Variants in ATF6 observed in about 807,000 individuals in gnomAD.
ATF6 encodes the protein cyclic AMP-dependent transcription factor ATF-6 alpha.
A neutral mutation model predicts 83.6 loss-of-function variants in ATF6; 53 were observed. The ratio of observed to expected loss-of-function variants is 0.63; its 90% CI spans 0.51 to 0.80. ATF6 has a LOEUF of 0.80. Among genes scored for constraint, ATF6 ranks in the 30% least tolerant of loss-of-function variants. ATF6 has a pLI of 0.00. For missense variants in ATF6, 744 were observed against 797.9 expected, an observed-to-expected ratio of 0.93 and a Z score of 0.81; for synonymous variants, 288 against 285.8, an observed-to-expected ratio of 1.01 and a Z score of -0.08.
At chr1:161,840,240 A>T (rs1686324082) in intron 9 of ATF6, 1 of 152,250 alleles carries the variant, frequency 6.6e-6, no homozygotes, top group Admixed American at 6.5e-5. Context: ...TATCCCAGAC[A>T]TACTCAAGTG....
At chr1:161,897,434 C>T (rs1687698104) in intron 14 of ATF6, among the ~76,000 whole-genome samples, 1 of 152,068 alleles carries the variant, frequency 6.6e-6, no homozygotes, top group Admixed American at 6.6e-5. Context: ...GAGACCCTGT[C>T]TCAAAAAATA....
rs982936356 is a variant in ATF6 at position 161,770,471 on chromosome 1, C to G, written c.82+4029C>G. Among the ~76,000 whole-genome samples the G allele has an allele frequency of 3.9e-5, 6 of 152,312 alleles. 1 individual carries two copies. The South Asian group carries it at 6.2e-4, about 16-fold the overall frequency. On this transcript the variant is annotated intron_variant, in intron 1 of 15. Transcript: ENST00000367942. ...GCACCTTCAGGTTCTGGTTAGGGCT[C>G]TCTTCCTGGCTTGCATGCACATGGC...
chr1:161,771,309 C>T (rs1237482742), intron 1 of ATF6, among the ~76,000 whole-genome samples: 1 of 152,164 alleles, frequency 6.6e-6, no homozygotes, highest in African/African-American at 2.4e-5. Context: ...TCGTCTGCCA[C>T]TGTGGTTTCG....
intron 7 of ATF6, among the ~76,000 whole-genome samples, chr1:161,805,267 A>AT (rs1180120626): frequency 6.6e-6 from 1 of 152,090 alleles, no homozygotes; most frequent in African/African-American, 2.4e-5. Flanking sequence ...AATACTTTAA[A>AT]TTTACAGAGC....
intron 7 of ATF6, among the ~76,000 whole-genome samples, chr1:161,807,337 G>A (rs946407095): frequency 6.6e-6 from 1 of 152,212 alleles, no homozygotes; most frequent in African/African-American, 2.4e-5. Context: ...TAACATCCAA[G>A]AATAGGACGC....
Position 161,766,420 on chromosome 1 carries a change from T to A in ATF6, c.60T>A (p.Phe20Leu). The change falls in exon 1 of 16, where the codon TTT (phenylalanine) becomes TTA (leucine). Residue 20 changes from phenylalanine (F) to leucine (L), a missense_variant. Coordinates refer to ENST00000367942, the MANE Select transcript of ATF6 (RefSeq NM_007348.4). The part of the protein sequence containing the change: ...TMESPFSPGL[F>L]HRLDEDWDSA... ...AGTCACCTTTTAGCCCGGGACTCTT[T>A]CACAGGCTGGATGAAGATTGGGGTG... The A allele has an allele frequency of 6.2e-7, 1 of 1,613,470 alleles. No individual in the cohort carries two copies. Among genetic ancestry groups the A allele is most frequent in the Non-Finnish European group, 8.5e-7 (1 of 1,179,698 alleles).
At chr1:161,883,045 T>A (rs1485802201) in intron 14 of ATF6, among the ~76,000 whole-genome samples, 1 of 151,868 alleles carries the variant, frequency 6.6e-6, no homozygotes, top group African/African-American at 2.4e-5. Flanking sequence ...CCCAGAAAAA[T>A]TCATTTTAAT....
intron 14 of ATF6, among the ~76,000 whole-genome samples, chr1:161,890,127 A>G (rs1176740486): frequency 2.0e-5 from 3 of 152,188 alleles, no homozygotes; most frequent in East Asian, 1.9e-4. Flanking sequence ...AAGGGTATTC[A>G]CCTCCATAAC....
At chr1:161,827,079 C>T (rs1000826173) in intron 9 of ATF6, among the ~76,000 whole-genome samples, 5 of 151,874 alleles carry the variant, frequency 3.3e-5, no homozygotes, top group African/African-American at 1.2e-4. Flanking sequence ...TTACAGGCAC[C>T]TGCCACTATG....
chr1:161,900,977 A>G (rs1687775716), intron 14 of ATF6, among the ~76,000 whole-genome samples: 1 of 152,148 alleles, frequency 6.6e-6, no homozygotes, highest in South Asian at 2.1e-4. Flanking sequence ...TTATGTAAAC[A>G]TATGACATAT....
chr1:161,902,185 G>A (rs956523501), intron 14 of ATF6, among the ~76,000 whole-genome samples: 3 of 151,952 alleles, frequency 2.0e-5, no homozygotes, highest in African/African-American at 4.8e-5. Flanking sequence ...ACAATAATTC[G>A]CCATTATTTC....
intron 15 of ATF6, among the ~76,000 whole-genome samples, chr1:161,956,071 C>G (rs897053163): frequency 6.6e-6 from 1 of 152,136 alleles, no homozygotes; most frequent in African/African-American, 2.4e-5. Context: ...ATATTTAAAG[C>G]TTTAAAAAAC....
intron 15 of ATF6, among the ~76,000 whole-genome samples, chr1:161,927,949 C>A (rs1445332148): frequency 6.6e-6 from 1 of 152,038 alleles, no homozygotes; most frequent in Non-Finnish European, 1.5e-5. Flanking sequence ...AAACAAAATG[C>A]TTTTTAACTG....
chr1:161,812,267 T>C (rs1162345275), intron 7 of ATF6, among the ~76,000 whole-genome samples: 1 of 146,842 alleles, frequency 6.8e-6, no homozygotes, highest in African/African-American at 2.5e-5. Context: ...GCTTCTTTAG[T>C]GATTAAATAA....
chr1:161,860,912 G>A (rs2101836535), intron 13 of ATF6, among the ~76,000 whole-genome samples: 1 of 152,162 alleles, frequency 6.6e-6, no homozygotes, highest in Admixed American at 6.5e-5. Flanking sequence ...ATATAATATG[G>A]GAAGCAATAT....
chr1:161,796,753 T>A (rs1472015067), intron 6 of ATF6, among the ~76,000 whole-genome samples: 1 of 152,136 alleles, frequency 6.6e-6, no homozygotes, highest in Non-Finnish European at 1.5e-5. Context: ...AGAGAGCCCT[T>A]ATATTCAGGA....
chr1:161,829,189 C>CTTTTTTT (rs35619050), intron 9 of ATF6, among the ~76,000 whole-genome samples: 5 of 72,586 alleles, frequency 6.9e-5, no homozygotes, highest in African/African-American at 1.1e-4. Context: ...TAATGGGAGA[C>CTTTTTTT]TTTTTTTTTT....
In ATF6 at chr1:161,937,618, T is replaced by C. The variant is rs534555090; in HGVS notation, c.1805-20828T>C. On this transcript the variant is annotated intron_variant, in intron 15 of 15. Coordinates refer to ENST00000367942, the MANE Select transcript of ATF6 (RefSeq NM_007348.4). ...ACGTGGATGAAGCTGGAAACCATCA[T>C]TCTCAGCAAACTAACCCAGGAACAG... is the stretch of plus-strand genomic sequence containing the variant. Among the ~76,000 whole-genome samples, 89 of 152,076 alleles carry C rather than the reference T, an allele frequency of 5.9e-4. 1 individual carries two copies. In the Middle Eastern group the frequency reaches 0.01, roughly 17 times the overall value.
chr1:161,927,465 G>A (rs1354910200), intron 15 of ATF6, among the ~76,000 whole-genome samples: 2 of 152,054 alleles, frequency 1.3e-5, no homozygotes, highest in Admixed American at 6.6e-5. Context: ...CACCACACCA[G>A]GCCAAGAACA....
Sources: gnomAD v4.1 joint callset for allele counts (sites outside exome capture counted in the v4.1 genomes callset) on GRCh38, gnomAD v4.1.1 for gene constraint, MANE v1.5 for transcripts, NCBI Gene and HGNC (gene_info 2026-07-23, HGNC 2026-07-21) for gene names.